The following ATP8A2 variants were observed in gnomAD, a reference collection of about 807,000 sequenced individuals.
The protein encoded by ATP8A2 is ATPase phospholipid transporting 8A2, also known as phospholipid-transporting ATPase IB.
Under a neutral mutation model 165.6 loss-of-function variants are expected in ATP8A2, and 100 were observed. The observed-to-expected ratio is 0.60, with a 90% CI of 0.51 to 0.71. The LOEUF (loss-of-function observed/expected upper bound fraction) is 0.71, where lower values mean the gene tolerates loss of function less well. ATP8A2 is among the 30% of genes least tolerant of loss of function. The pLI is 0.00. For synonymous variants in ATP8A2, 543 were observed against 548.8 expected (o/e 0.99, Z 0.15); for missense variants, 1,227 against 1,479.5 (o/e 0.83, Z 2.80).
rs756348057 is a variant in ATP8A2, at chr13:25,574,876, C to G, written c.1712+19C>G. Reference sequence around the variant, plus strand: ...TTTCTAGGTATGTTTCTCTTTCATACGTTTGAAATAAAATAATTATATTTA... The same window carrying G: ...TTTCTAGGTATGTTTCTCTTTCATAGGTTTGAAATAAAATAATTATATTTA... On this transcript the variant is annotated intron_variant, in intron 19 of 36. Coordinates refer to ENST00000381655, the MANE Select transcript of ATP8A2 (RefSeq NM_016529.6). 7.3e-7 allele frequency: 1 copy of G among 1,363,220 alleles called. No homozygotes were observed. The allele number at this position is 1,363,220 out of a possible 1,614,324, so 84.4% of individuals were successfully genotyped here.
chr13:25,417,562 T>G lies in ATP8A2; in HGVS notation c.76+45274T>G, dbSNP rs555760118. Among the ~76,000 whole-genome samples, 5 of 96,022 alleles carry G rather than the reference T, an allele frequency of 5.2e-5. No homozygotes were observed. In the South Asian group the frequency reaches 1.5e-3, roughly 29 times the overall value. The allele number at this position is 96,022 out of a possible 152,430, so 63.0% of individuals were successfully genotyped here. ...CTCTTTAACACTCCAAATTTGATAA[T>G]TCTATAGCCCAATTGTTCAATTTAG... On this transcript the variant is annotated intron_variant, in intron 1 of 36. Coordinates refer to ENST00000381655, the MANE Select transcript of ATP8A2 (RefSeq NM_016529.6).
chr13:25,596,401 T>C (rs962725090), intron 24 of ATP8A2, among the ~76,000 whole-genome samples: 6 of 152,184 alleles, frequency 3.9e-5, no homozygotes, highest in African/African-American at 1.4e-4. Context: ...CACCACCCCA[T>C]TTAAAATATT....
intron 18 of ATP8A2, among the ~76,000 whole-genome samples, chr13:25,573,864 T>C (rs2039539754): frequency 6.6e-6 from 1 of 152,192 alleles, no homozygotes. Flanking sequence ...TTTTGTAGGA[T>C]GCAAAGAGAA....
At chr13:26,019,370 C>T (rs1957048802) in intron 36 of ATP8A2, among the ~76,000 whole-genome samples, 1 of 152,236 alleles carries the variant, frequency 6.6e-6, no homozygotes, top group African/African-American at 2.4e-5. Flanking sequence ...GCACTCCAGC[C>T]TAGGCGGCAG....
At chr13:25,462,226 T>C (rs2035523701) in intron 1 of ATP8A2, among the ~76,000 whole-genome samples, 1 of 152,214 alleles carries the variant, frequency 6.6e-6, no homozygotes, top group African/African-American at 2.4e-5. Flanking sequence ...ACCAACTACC[T>C]GGAGTGAGGT....
At chr13:25,817,357 G>A (rs1038453582) in intron 27 of ATP8A2, among the ~76,000 whole-genome samples, 3 of 125,648 alleles carry the variant, frequency 2.4e-5, no homozygotes, top group Non-Finnish European at 5.5e-5. Context: ...TTATGGGGGG[G>A]GGGGGAAACA....
chr13:25,931,583 T>C (rs934040694), intron 33 of ATP8A2, among the ~76,000 whole-genome samples: 1 of 152,118 alleles, frequency 6.6e-6, no homozygotes, highest in Admixed American at 6.6e-5. Flanking sequence ...AGCAGTGGGC[T>C]GTGATGGTGG....
chr13:25,553,361 CT>C (rs1424567051), intron 11 of ATP8A2, among the ~76,000 whole-genome samples: 1 of 152,200 alleles, frequency 6.6e-6, no homozygotes, highest in Non-Finnish European at 1.5e-5. Flanking sequence ...CTTGTTCACA[CT>C]TTTGTCCATC....
chr13:25,992,689 T>G (rs933768587), intron 35 of ATP8A2, among the ~76,000 whole-genome samples: 7 of 150,028 alleles, frequency 4.7e-5, no homozygotes, highest in African/African-American at 1.7e-4. Context: ...TTTTTTTTTG[T>G]TTGTTTTTTT....
At position 25,927,005 on chromosome 13, in the gene ATP8A2, G is replaced by C. The variant is rs142688022; in HGVS notation, c.3184-34570G>C. On this transcript the variant is annotated intron_variant, in intron 33 of 36. Coordinates refer to ENST00000381655, the MANE Select transcript of ATP8A2 (RefSeq NM_016529.6). The stretch of plus-strand genomic sequence containing the variant: ...CAAGGCACTTTCCCTGCATCCTGCT[G>C]TGCCTCCCGCTCCTTCTCCTTGCCA... 193 of 395,024 alleles carry C rather than the reference G, an allele frequency of 4.9e-4. 1 individual carries two copies. Among genetic ancestry groups the C allele is most frequent in the African/African-American group, 3.6e-3 (175 of 49,198 alleles). The allele number at this position is 395,024 out of a possible 1,614,324, so 24.5% of individuals were successfully genotyped here. A position where few individuals can be genotyped will look rare whatever the true frequency, so the allele number is the denominator to read the frequency against.
chr13:25,388,175 G>A (rs2033122132), intron 1 of ATP8A2, among the ~76,000 whole-genome samples: 1 of 152,122 alleles, frequency 6.6e-6, no homozygotes, highest in Non-Finnish European at 1.5e-5. Context: ...AGAAAGGAAG[G>A]GAGGGAAGGA....
intron 27 of ATP8A2, among the ~76,000 whole-genome samples, chr13:25,814,248 C>T (rs1950953069): frequency 6.6e-6 from 1 of 151,864 alleles, no homozygotes; most frequent in Non-Finnish European, 1.5e-5. Context: ...TTATAATATG[C>T]CAGAAATTAT....
At chr13:25,556,110 G>C (rs1344995633) in intron 13 of ATP8A2, among the ~76,000 whole-genome samples, 1 of 152,114 alleles carries the variant, frequency 6.6e-6, no homozygotes, top group Non-Finnish European at 1.5e-5. Flanking sequence ...AACCATTTGT[G>C]TTCTTTTGGA....
At chr13:25,674,717 C>T (rs1169789333) in intron 24 of ATP8A2, among the ~76,000 whole-genome samples, 3 of 152,186 alleles carry the variant, frequency 2.0e-5, no homozygotes, top group Admixed American at 2.0e-4. Flanking sequence ...AGATCCTCAA[C>T]AGTACGTTTC....
At chr13:25,796,340 T>C (rs768991860) in intron 27 of ATP8A2, among the ~76,000 whole-genome samples, 10 of 152,250 alleles carry the variant, frequency 6.6e-5, no homozygotes, top group Non-Finnish European at 1.5e-4. Context: ...TGTGTGGTTA[T>C]GACCTAGTTA....
chr13:25,749,331 G>A (rs181549460), intron 25 of ATP8A2, among the ~76,000 whole-genome samples: 2 of 152,256 alleles, frequency 1.3e-5, no homozygotes, highest in Admixed American at 1.3e-4. Context: ...CAGAGGGGAA[G>A]GAGGGCCTGA....
intron 1 of ATP8A2, among the ~76,000 whole-genome samples, chr13:25,456,838 T>G (rs1214685156): frequency 6.6e-6 from 1 of 152,196 alleles, no homozygotes; most frequent in African/African-American, 2.4e-5. Context: ...CCTGCCTCCT[T>G]GACTTACTGA....
intron 33 of ATP8A2, among the ~76,000 whole-genome samples, chr13:25,891,695 T>C (rs1231135314): frequency 6.6e-6 from 1 of 152,074 alleles, no homozygotes; most frequent in African/African-American, 2.4e-5. Flanking sequence ...GGGGGCTCTG[T>C]GAGGTGGGTT....
intron 25 of ATP8A2, among the ~76,000 whole-genome samples, chr13:25,701,767 C>CAA (rs3053450): frequency 6.9e-6 from 1 of 144,618 alleles, no homozygotes; most frequent in Admixed American, 7.0e-5. Flanking sequence ...CACACACACA[C>CAA]TTTTTTCCCC....
Sources: allele counts gnomAD v4.1 joint callset (sites outside exome capture counted in the v4.1 genomes callset), GRCh38; gene constraint gnomAD v4.1.1; transcripts MANE v1.5; gene names NCBI Gene and HGNC (gene_info 2026-07-23, HGNC 2026-07-21).